The following DNAJC16 variants were observed in gnomAD, a reference collection of about 807,000 sequenced individuals.
The protein encoded by DNAJC16 is dnaJ homolog subfamily C member 16.
A neutral mutation model predicts 92.7 loss-of-function variants in DNAJC16; 76 were observed. The observed-to-expected ratio is 0.82, with a 90% confidence interval of 0.68 to 0.99. The LOEUF (loss-of-function observed/expected upper bound fraction) is 0.99. Ranked by LOEUF, DNAJC16 falls within the 50% of genes least tolerant of loss-of-function variation. DNAJC16 has a pLI of 0.00. For synonymous variants in DNAJC16, 328 were observed against 358.7 expected, an observed-to-expected ratio of 0.91 and a Z score of 0.97; for missense variants, 869 against 942.4, an observed-to-expected ratio of 0.92 and a Z score of 1.02.
chr1:15,537,665 G>C (rs1350646215), intron 4 of DNAJC16, among the ~76,000 whole-genome samples: 2 of 152,108 alleles, frequency 1.3e-5, no homozygotes, highest in Non-Finnish European at 2.9e-5. Flanking sequence ...GAACATTTCA[G>C]TTCCCTTGCA....
chr1:15,537,665 G>A (rs1350646215), intron 4 of DNAJC16, among the ~76,000 whole-genome samples: 1 of 152,108 alleles, frequency 6.6e-6, no homozygotes, highest in Non-Finnish European at 1.5e-5. Flanking sequence ...GAACATTTCA[G>A]TTCCCTTGCA....
chr1:15,559,937 C>T (rs561059425), intron 8 of DNAJC16, among the ~76,000 whole-genome samples: 2 of 152,122 alleles, frequency 1.3e-5, no homozygotes, highest in East Asian at 3.9e-4. Flanking sequence ...GTGGCTTATG[C>T]CTGTAATCCC....
Position 15,563,694 on chromosome 1 carries a change from C to G in DNAJC16, c.1339-235C>G, listed in dbSNP as rs60524694. ...AAAAAAAAAAAAAAAAAAAAAATAC[C>G]AAAAATTAGCCAGGCATGGTGGCAG... On this transcript the variant is annotated intron_variant, in intron 9 of 14. Coordinates refer to ENST00000375847, the MANE Select transcript of DNAJC16 (RefSeq NM_015291.4). Among the ~76,000 whole-genome samples, 8 of 128,274 alleles carry G rather than the reference C, an allele frequency of 6.2e-5. 1 individual carries two copies. Among genetic ancestry groups the G allele is most frequent in the African/African-American group, 2.9e-5 (1 of 34,320 alleles). 84.2% of individuals were successfully genotyped at this position (128,274 alleles called of 152,430 possible).
chr1:15,536,978 G>C (rs1710807054), intron 4 of DNAJC16, among the ~76,000 whole-genome samples, 164 bp downstream of exon 4: 1 of 152,004 alleles, frequency 6.6e-6, no homozygotes, highest in Non-Finnish European at 1.5e-5. Context: ...AACCTCCCGA[G>C]TAGTTGGGAT....
chr1:15,564,257 C>T (rs1638759494), intron 10 of DNAJC16, 26 bp from the exon 11 acceptor site: 1 of 1,561,570 alleles, frequency 6.4e-7, no homozygotes, highest in East Asian at 2.2e-5. Flanking sequence ...TTAGTCCTGA[C>T]CATCATCCAT....
rs1358576357 is a variant in DNAJC16 at position 15,526,897 on chromosome 1, CCCGGCCCGGCGAACTAACTGGA to C, written c.-79_-58del. ...CGAGCGCTGGTGTGGACGGGAAGCT[CCCGGCCCGGCGAACTAACTGGA>C]GCACGGAGCTGCAGCCGGTTGGGCC... On this transcript the variant is annotated 5_prime_UTR_variant, in exon 1 of 15. Transcript: ENST00000375847. 1 of 152,390 alleles carries C rather than the reference CCCGGCCCGGCGAACTAACTGGA, an allele frequency of 6.6e-6. No homozygotes were observed. The highest frequency in any genetic ancestry group is 1.5e-5 in the Non-Finnish European group (1 of 68,120). 9.4% of individuals were successfully genotyped at this position (152,390 alleles called of 1,614,324 possible).
At chr1:15,541,917 C>G (rs1368845376) in intron 4 of DNAJC16, among the ~76,000 whole-genome samples, 1 of 152,134 alleles carries the variant, frequency 6.6e-6, no homozygotes. Context: ...CGTATTTGAT[C>G]TTTGACTCTG....
rs1407520900 is a variant in DNAJC16 at position 15,536,637 on chromosome 1, G to T, written c.397G>T (p.Glu133Ter). 1.9e-6 allele frequency: 3 copies of T among 1,613,942 alleles called. No individual in the cohort carries two copies. The highest frequency in any genetic ancestry group is 2.5e-6 in the Non-Finnish European group (3 of 1,179,980). Residue 133 changes from glutamate to a stop codon, truncating the protein, a stop_gained, in exon 4 of 15, where the codon GAA becomes TAA. Transcript: ENST00000375847. LOFTEE classifies it high-confidence loss of function. ...CTTTTTTCACTTCCCTTTTAATTCT[G>T]AACGGCGGGACTCAATTGACGAAAA... Reference protein sequence around the residue: ...ESFFHFPFNSERRDSIDEKYL... With the variant: ...ESFFHFPFNS
At chr1:15,553,817 G>A (rs1455446943) in intron 7 of DNAJC16, among the ~76,000 whole-genome samples, 3 of 152,146 alleles carry the variant, frequency 2.0e-5, no homozygotes, top group South Asian at 2.1e-4. Context: ...ATGGAATAAT[G>A]TAGTGTATAT....
chr1:15,546,922 T>C (rs760759981), intron 6 of DNAJC16, 51 bp downstream of exon 6: 17 of 1,368,810 alleles, frequency 1.2e-5, no homozygotes, highest in East Asian at 4.8e-5. Context: ...TTTCTTTTTT[T>C]TTTTTTTTTT....
rs756488016 is a variant in DNAJC16, at chr1:15,544,438, G to A, written c.614G>A (p.Arg205His). ...GTGGTCCATGCTGGGTATGAGAGAC[G>A]CCTGGCCCATCACCTAGGGGCACAC... ...IGVVHAGYER[R>H]LAHHLGAHST... Residue 205 changes from arginine (R) to histidine (H), a missense_variant, in exon 5 of 15, where the codon CGC becomes CAC. Physicochemically the swap from Arg to His is conservative, Grantham distance 29. Coordinates refer to ENST00000375847, the MANE Select transcript of DNAJC16 (RefSeq NM_015291.4). The A allele has an allele frequency of 6.2e-6, 10 of 1,613,942 alleles. No individual in the cohort carries two copies. Among genetic ancestry groups the A allele is most frequent in the South Asian group, 2.2e-5 (2 of 91,056 alleles).
In DNAJC16 at chr1:15,566,972, C is replaced by T. The variant is rs111620680; in HGVS notation, c.1779-127C>T. 6.2e-5 allele frequency: 53 copies of T among 856,232 alleles called. 2 individuals are homozygous for T. Among genetic ancestry groups the T allele is most frequent in the African/African-American group, 5.2e-4 (31 of 59,064 alleles). The allele number at this position is 856,232 out of a possible 1,614,324, so 53.0% of individuals were successfully genotyped here. A position where few individuals can be genotyped will look rare whatever the true frequency, so the allele number is the denominator to read the frequency against. Reference sequence around the variant, plus strand: ...ATCCCCATCCTACCAATGTGTTAGACTCAAGAATAGTGAATAACATACCTA... The same window carrying T: ...ATCCCCATCCTACCAATGTGTTAGATTCAAGAATAGTGAATAACATACCTA... On this transcript the variant is annotated intron_variant, in intron 13 of 14. Transcript: ENST00000375847.
chr1:15,539,765 C>T (rs930463019), intron 4 of DNAJC16, among the ~76,000 whole-genome samples: 4 of 151,880 alleles, frequency 2.6e-5, no homozygotes, highest in Admixed American at 6.6e-5. Flanking sequence ...TGGTGGCTCA[C>T]GCCTGTAATC....
Position 15,568,125 on chromosome 1 carries a change from TG to T in DNAJC16, c.2299del (p.Glu767ArgfsTer15). 6.2e-7 allele frequency: 1 copy of T among 1,614,130 alleles called. No homozygotes were observed. The highest frequency in any genetic ancestry group is 8.5e-7 in the Non-Finnish European group (1 of 1,180,000). On this transcript the variant is annotated frameshift_variant, in exon 15 of 15. Transcript: ENST00000375847. LOFTEE classifies it high-confidence loss of function. ...SKLSLWMERL[L>X]EGSLQRFYIP... ...CTCTCTTTATGGATGGAACGCCTGC[TG>T]GAGGGCTCCTTACAGAGGTTTTATA...
rs200056658 is a variant in DNAJC16, at chr1:15,529,262, G to A, written c.157G>A (p.Ala53Thr). The A allele has an allele frequency of 2.0e-5, 32 of 1,607,850 alleles. No individual in the cohort carries two copies. Among genetic ancestry groups the A allele is most frequent in the South Asian group, 4.4e-5 (4 of 90,698 alleles). ...ADIKKAYKKL[A>T]REWHPDKNKD... ...TATTAAAAAGGCTTATAAGAAGCTC[G>A]CCCGGGAATGGTAGGTGAAACAAAG... Residue 53 changes from alanine to threonine, a missense_variant, in exon 2 of 15, where the codon GCC becomes ACC. By Grantham distance (58) the Ala-to-Thr change is moderately conservative. Transcript: ENST00000375847.
intron 5 of DNAJC16, among the ~76,000 whole-genome samples, chr1:15,545,057 T>G (rs189249709): frequency 6.6e-6 from 1 of 152,296 alleles, no homozygotes; most frequent in East Asian, 1.9e-4. Context: ...TTTTTGAAAC[T>G]TCAGAAACTT....
intron 3 of DNAJC16, among the ~76,000 whole-genome samples, chr1:15,536,195 T>TC (rs1557571022): frequency 6.7e-6 from 1 of 148,766 alleles, no homozygotes; most frequent in East Asian, 2.1e-4. Context: ...TACCTCAGCC[T>TC]CCCGAGTAGC....
intron 1 of DNAJC16, 102 bp from the exon 2 acceptor site, chr1:15,528,986 T>C: frequency 1.0e-6 from 1 of 996,376 alleles, no homozygotes; most frequent in Non-Finnish European, 1.5e-6. Flanking sequence ...AAATACCTTT[T>C]GTTGGTTTTG....
In DNAJC16 at chr1:15,552,766, A is replaced by ATT. The variant is rs1247280903; in HGVS notation, c.1023+4340_1023+4341dup. Among the ~76,000 whole-genome samples, 13 of 125,948 alleles carry ATT rather than the reference A, an allele frequency of 1.0e-4. 2 individuals carry two copies. Among genetic ancestry groups the ATT allele is most frequent in the Admixed American group, 1.6e-4 (2 of 12,256 alleles). The allele number at this position is 125,948 out of a possible 152,430, so 82.6% of individuals were successfully genotyped here. ...TGTTATGTGTCTTTTTATTATTATT[A>ATT]TTTATTTTTTTTTTTTTTGGAGACA... On this transcript the variant is annotated intron_variant, in intron 7 of 14. Coordinates refer to ENST00000375847, the MANE Select transcript of DNAJC16 (RefSeq NM_015291.4).
Sources: gnomAD v4.1 joint callset for allele counts (sites outside exome capture counted in the v4.1 genomes callset) on GRCh38, gnomAD v4.1.1 for gene constraint, MANE v1.5 for transcripts, NCBI Gene and HGNC (gene_info 2026-07-23, HGNC 2026-07-21) for gene names.